SULT4A1: variants seen among roughly 807,000 people sequenced by gnomAD.
SULT4A1 encodes sulfotransferase 4A1.
SULT4A1 carries 11 observed loss-of-function variants against 35.2 expected under a neutral mutation model. That is an observed-to-expected ratio of 0.31 (90% CI 0.20 to 0.52). The LOEUF is 0.52. Among genes scored for constraint, SULT4A1 ranks in the 20% least tolerant of loss-of-function variants. The pLI is 0.97. For missense variants in SULT4A1, 271 were observed against 383.7 expected, an observed-to-expected ratio of 0.71 and a Z score of 2.45; for synonymous variants, 152 against 151.8, an observed-to-expected ratio of 1.00 and a Z score of -0.01.
At chr22:43,826,368 C>G in intron 6 of SULT4A1, 1 of 985,420 alleles carries the variant, frequency 1.0e-6, no homozygotes, top group Non-Finnish European at 1.2e-6. Context: ...GCCACAACCA[C>G]CTCCTGGTGC....
At chr22:43,842,051 C>T (rs11914062) in intron 1 of SULT4A1, 119 bp from the exon 2 acceptor site, 82 of 1,430,704 alleles carry the variant, frequency 5.7e-5, no homozygotes, top group African/African-American at 1.7e-4. Flanking sequence ...GGGCCCAGGG[C>T]GACTGAGTCT....
intron 1 of SULT4A1, among the ~76,000 whole-genome samples, chr22:43,848,304 CAAAT>C (rs1411543785): frequency 6.6e-6 from 1 of 152,196 alleles, no homozygotes; most frequent in Non-Finnish European, 1.5e-5. Flanking sequence ...TCAATATAAA[CAAAT>C]GTCAACTCAG....
chr22:43,839,566 C>T lies in SULT4A1; in HGVS notation c.381+379G>A, dbSNP rs570793108. On this transcript the variant is annotated intron_variant, in intron 3 of 6. Transcript: ENST00000330884. ...CCATGCCACTGCACTCCAGCCTGGG[C>T]GACAGACTAAGACTCCGTCTCAAAA... Among the ~76,000 whole-genome samples the T allele has an allele frequency of 4.6e-5, 7 of 152,136 alleles. No homozygotes were observed. The East Asian group carries it at 5.8e-4, about 13-fold the overall frequency.
At chr22:43,853,264 T>A (rs370610386) in intron 1 of SULT4A1, among the ~76,000 whole-genome samples, 2 of 152,154 alleles carry the variant, frequency 1.3e-5, no homozygotes, top group African/African-American at 4.8e-5. Flanking sequence ...ACGTCCCATG[T>A]GTACTCACTT....
At chr22:43,831,567 C>T (rs779374648) in intron 5 of SULT4A1, among the ~76,000 whole-genome samples, 1 of 152,196 alleles carries the variant, frequency 6.6e-6, no homozygotes, top group Non-Finnish European at 1.5e-5. Context: ...CCTCCACGCC[C>T]GGCAACACTG....
chr22:43,826,891 C>T, intron 6 of SULT4A1: 11 of 985,482 alleles, frequency 1.1e-5, no homozygotes, highest in Non-Finnish European at 1.3e-5. Flanking sequence ...ACCCAGACCT[C>T]TTCCTGGCAG....
chr22:43,857,910 TGTG>T (rs1025568048), intron 1 of SULT4A1, among the ~76,000 whole-genome samples: 1 of 150,310 alleles, frequency 6.7e-6, no homozygotes, highest in Non-Finnish European at 1.5e-5. Context: ...ATTAGCCAGG[TGTG>T]GTGGCGCACA....
At chr22:43,858,003 T>C (rs138104) in intron 1 of SULT4A1, among the ~76,000 whole-genome samples, 2 of 142,346 alleles carry the variant, frequency 1.4e-5, no homozygotes, top group African/African-American at 2.7e-5. Flanking sequence ...TGAGCCATGA[T>C]TGCATCACTG....
At chr22:43,861,360 G>A (rs1004299760) in intron 1 of SULT4A1, among the ~76,000 whole-genome samples, 11 of 152,258 alleles carry the variant, frequency 7.2e-5, no homozygotes, top group African/African-American at 2.6e-4. Context: ...GAAATCCCAG[G>A]GCATGTTTAC....
At chr22:43,831,906 G>GAC (rs138068) in intron 5 of SULT4A1, among the ~76,000 whole-genome samples, 35,720 of 152,190 alleles carry the variant, frequency 0.23, 4,402 homozygotes, top group African/African-American at 0.32. Flanking sequence ...CACTGTGCAT[G>GAC]ACACCACCAC....
intron 4 of SULT4A1, among the ~76,000 whole-genome samples, chr22:43,837,458 T>G (rs1241924591): frequency 6.6e-6 from 1 of 152,158 alleles, no homozygotes; most frequent in African/African-American, 2.4e-5. Flanking sequence ...CAGAAGTCCA[T>G]GAGTGGGTTG....
intron 1 of SULT4A1, among the ~76,000 whole-genome samples, chr22:43,854,377 C>A (rs1284221906): frequency 6.6e-6 from 1 of 152,188 alleles, no homozygotes; most frequent in African/African-American, 2.4e-5. Context: ...AGCACAGCTG[C>A]CCCCGCCAAG....
intron 4 of SULT4A1, among the ~76,000 whole-genome samples, chr22:43,835,515 C>T (rs547451428): frequency 1.2e-4 from 19 of 152,306 alleles, no homozygotes; most frequent in Non-Finnish European, 2.5e-4. Flanking sequence ...CCCACCAAAA[C>T]CTCCAATTTC....
At chr22:43,838,443 C>T (rs1427336317) in intron 4 of SULT4A1, among the ~76,000 whole-genome samples, 4 of 152,260 alleles carry the variant, frequency 2.6e-5, no homozygotes, top group Non-Finnish European at 5.9e-5. Flanking sequence ...CTTGCCTGTG[C>T]CTGAGGTTCA....
At chr22:43,859,817 A>C (rs2049445286) in intron 1 of SULT4A1, among the ~76,000 whole-genome samples, 1 of 152,196 alleles carries the variant, frequency 6.6e-6, no homozygotes, top group African/African-American at 2.4e-5. Context: ...AGCACCTGAA[A>C]CATGGTGATG....
intron 6 of SULT4A1, 102 bp downstream of exon 6, chr22:43,828,958 A>G: frequency 7.7e-7 from 1 of 1,295,036 alleles, no homozygotes; most frequent in Non-Finnish European, 1.0e-6. Context: ...AAAGGAGAGC[A>G]GGGAGGGCAA....
intron 2 of SULT4A1, among the ~76,000 whole-genome samples, 158 bp from the exon 3 acceptor site, chr22:43,840,183 T>A (rs1002266468): frequency 1.6e-5 from 2 of 126,122 alleles, no homozygotes; most frequent in African/African-American, 6.2e-5. Flanking sequence ...AGCGGAGGGG[T>A]CAGGAGAGCG....
At chr22:43,839,132 G>T (rs2063402835) in intron 3 of SULT4A1, 139 bp from the exon 4 acceptor site, 12 of 1,154,916 alleles carry the variant, frequency 1.0e-5, no homozygotes, top group Non-Finnish European at 1.5e-5. Context: ...TGGGGCCCAT[G>T]TGCACGGCTG....
chr22:43,859,885 C>T (rs2148311953), intron 1 of SULT4A1, among the ~76,000 whole-genome samples: 1 of 152,348 alleles, frequency 6.6e-6, no homozygotes, highest in Non-Finnish European at 1.5e-5. Context: ...ATGTAAGCAG[C>T]CGCCTGTGGG....
Sources: gnomAD v4.1 joint callset for allele counts (sites outside exome capture counted in the v4.1 genomes callset) on GRCh38, gnomAD v4.1.1 for gene constraint, MANE v1.5 for transcripts, NCBI Gene and HGNC (gene_info 2026-07-23, HGNC 2026-07-21) for gene names.